The following ETV2 variants were observed in gnomAD, a reference collection of about 807,000 sequenced individuals.
The protein encoded by ETV2 is ETS variant transcription factor 2, also known as ETS translocation variant 2.
In ETV2, 34 loss-of-function variants were observed where a neutral mutation model predicts 35.7. The observed-to-expected ratio is 0.95, with a 90% CI of 0.72 to 1.27. ETV2 has a LOEUF of 1.27. Ranked by LOEUF, ETV2 falls within the 50% of genes most tolerant of loss-of-function variation. The pLI, the probability that ETV2 is intolerant of heterozygous loss-of-function variation, is 0.00. For synonymous variants in ETV2, 207 were observed against 203.9 expected (o/e 1.02, Z -0.13); for missense variants, 512 against 470.5 (o/e 1.09, Z -0.82).
Position 35,644,138 on chromosome 19 carries a change from C to T in ETV2, c.716-97C>T. The T allele has an allele frequency of 1.2e-6, 1 of 848,718 alleles. No individual in the cohort carries two copies. The highest frequency in any genetic ancestry group is 1.9e-6 in the Non-Finnish European group (1 of 515,548). The allele number at this position is 848,718 out of a possible 1,614,324, so 52.6% of individuals were successfully genotyped here. A position where few individuals can be genotyped will look rare whatever the true frequency, so the allele number is the denominator to read the frequency against. On this transcript the variant is annotated intron_variant, in intron 5 of 6. Coordinates refer to ENST00000402764, the MANE Select transcript of ETV2 (RefSeq NM_014209.4). The surrounding 1 kb of genome is among the most constrained non-coding windows in gnomAD (Gnocchi z 4.7). Reference sequence around the variant, plus strand: ...GGGGGGCGGATCCCCTTCTCGGGTCCTGGGTCCCGAGTTGGGAGGACCCGG... The same window carrying T: ...GGGGGGCGGATCCCCTTCTCGGGTCTTGGGTCCCGAGTTGGGAGGACCCGG...
chr19:35,644,111 A>G lies in ETV2; in HGVS notation c.716-124A>G, dbSNP rs1284363585. 4 of 726,324 alleles carry G rather than the reference A, an allele frequency of 5.5e-6. No homozygotes were observed. The highest frequency in any genetic ancestry group is 7.3e-6 in the Non-Finnish European group (3 of 410,690). The allele number at this position is 726,324 out of a possible 1,614,324, so 45.0% of individuals were successfully genotyped here. ...AAGGCTGACTGTTGGATCTCAGAGA[A>G]GGGGGGGCGGATCCCCTTCTCGGGT... On this transcript the variant is annotated intron_variant, in intron 5 of 6. Transcript: ENST00000402764. The surrounding 1 kb of genome is among the most constrained non-coding windows in gnomAD (Gnocchi z 4.7).
At position 35,643,599 on chromosome 19, in the gene ETV2, C is replaced by A. The variant is rs1967682349; in HGVS notation, c.561C>A (p.Gly187=). The part of the protein sequence containing the change: ...DCTISWGGPA[G]PDCTTSWNPG... ...CCATTTCGTGGGGCGGGCCCGCGGGCCCGGACTGTACCACCTCCTGGAACC... is the reference window on the plus strand; with the variant it reads ...CCATTTCGTGGGGCGGGCCCGCGGGACCGGACTGTACCACCTCCTGGAACC... The change falls in exon 5 of 7, where the codon GGC becomes GGA. Residue 187 remains glycine, a synonymous_variant. Transcript: ENST00000402764. This position sits in a 1 kb window ranked among gnomAD's most constrained non-coding sequence, Gnocchi z 5.0. 1 of 1,601,520 alleles carries A rather than the reference C, an allele frequency of 6.2e-7. No individual in the cohort carries two copies. The highest frequency in any genetic ancestry group is 8.5e-7 in the Non-Finnish European group (1 of 1,174,716).
chr19:35,642,551 C>G lies in ETV2; in HGVS notation c.70+21C>G, dbSNP rs766603621. ...GCTTGGTAGGCTGCCGAGGCTGCCACAACGTGTGTGGGGAGGGTGTCCAGG... is the reference window on the plus strand; with the variant it reads ...GCTTGGTAGGCTGCCGAGGCTGCCAGAACGTGTGTGGGGAGGGTGTCCAGG... On this transcript the variant is annotated intron_variant, in intron 2 of 6. Coordinates refer to ENST00000402764, the MANE Select transcript of ETV2 (RefSeq NM_014209.4). This position sits in a 1 kb window ranked among gnomAD's most constrained non-coding sequence, Gnocchi z 4.4. 1 of 1,613,818 alleles carries G rather than the reference C, an allele frequency of 6.2e-7. No homozygotes were observed. Among genetic ancestry groups the G allele is most frequent in the Non-Finnish European group, 8.5e-7 (1 of 1,179,786 alleles).
rs758217215 is a variant in ETV2, at chr19:35,644,658, C to G, written c.835C>G (p.Arg279Gly). The G allele has an allele frequency of 1.2e-6, 2 of 1,606,088 alleles. No homozygotes were observed. The highest frequency in any genetic ancestry group is 1.7e-6 in the Non-Finnish European group (2 of 1,175,636). Residue 279 changes from arginine to glycine, a missense_variant, in exon 7 of 7, where the codon CGG becomes GGG. Arg to Gly is a moderately radical substitution (Grantham distance 125, BLOSUM62 -2). Transcript: ENST00000402764. The surrounding 1 kb of genome is among the most constrained non-coding windows in gnomAD (Gnocchi z 4.7). ...GAGCGGGCCTCTGTCCTAGGTGGCT[C>G]GGCTGTGGGGCGAGCGCAAGAGAAA... ...FQLCDPKEVA[R>G]LWGERKRKPG...
At position 35,643,133 on chromosome 19, in the gene ETV2, T is replaced by A; in HGVS notation, c.235+88T>A. ...TGTAGACTCCCTGATCTTTGAGGAC[T>A]GAGAACACCTGCGCCCTCAAGGTGG... On this transcript the variant is annotated intron_variant, in intron 4 of 6. Coordinates refer to ENST00000402764, the MANE Select transcript of ETV2 (RefSeq NM_014209.4). The surrounding 1 kb of genome is among the most constrained non-coding windows in gnomAD (Gnocchi z 5.0). The A allele has an allele frequency of 7.2e-7, 1 of 1,381,248 alleles. No homozygotes were observed. The highest frequency in any genetic ancestry group is 9.9e-7 in the Non-Finnish European group (1 of 1,009,576). The allele number at this position is 1,381,248 out of a possible 1,614,324, so 85.6% of individuals were successfully genotyped here.
At position 35,642,645 on chromosome 19, in the gene ETV2, A is replaced by C; in HGVS notation, c.101A>C (p.Asp34Ala). Reference protein sequence around the residue: ...EGAKLGFCFPDLALQGDTPTA... With the variant: ...EGAKLGFCFPALALQGDTPTA... Reference sequence around the variant, plus strand: ...GCCAAATTAGGCTTCTGTTTCCCTGATCTGGCACTCCAAGGGGACACGCCG... The same window carrying C: ...GCCAAATTAGGCTTCTGTTTCCCTGCTCTGGCACTCCAAGGGGACACGCCG... Residue 34 changes from aspartate (D) to alanine (A), a missense_variant, in exon 3 of 7, where the codon GAT becomes GCT. Coordinates refer to ENST00000402764, the MANE Select transcript of ETV2 (RefSeq NM_014209.4). The surrounding 1 kb of genome is among the most constrained non-coding windows in gnomAD (Gnocchi z 4.4). 2 of 1,607,552 alleles carry C rather than the reference A, an allele frequency of 1.2e-6. No homozygotes were observed. Among genetic ancestry groups the C allele is most frequent in the Non-Finnish European group, 1.7e-6 (2 of 1,177,182 alleles).
In ETV2 at chr19:35,643,450, G is replaced by A. The variant is rs1391527701; in HGVS notation, c.412G>A (p.Glu138Lys). 4.5e-6 allele frequency: 7 copies of A among 1,546,878 alleles called. No homozygotes were observed. In the African/African-American group the frequency reaches 8.2e-5, roughly 18 times the overall value. The change falls in exon 5 of 7, where the codon GAG (glutamate) becomes AAG (lysine). Residue 138 changes from glutamate (E) to lysine (K), a missense_variant. Physicochemically the swap from Glu to Lys is moderately conservative, Grantham distance 56 (BLOSUM62 1). Coordinates refer to ENST00000402764, the MANE Select transcript of ETV2 (RefSeq NM_014209.4). The surrounding 1 kb of genome is among the most constrained non-coding windows in gnomAD (Gnocchi z 5.0). ...CCAGAACTGCGTCCCCGTGGCGGGA[G>A]AGGCCACCTCGTGGTCGCGCGCCCA... Reference protein sequence around the residue: ...AGQNCVPVAGEATSWSRAQAA... With the variant: ...AGQNCVPVAGKATSWSRAQAA...
chr19:35,643,451 A>G lies in ETV2; in HGVS notation c.413A>G (p.Glu138Gly). The change falls in exon 5 of 7, where the codon GAG (glutamate) becomes GGG (glycine). Residue 138 changes from glutamate (E) to glycine (G), a missense_variant. Physicochemically the swap from Glu to Gly is moderately conservative, Grantham distance 98 (BLOSUM62 -2). Transcript: ENST00000402764. This position sits in a 1 kb window ranked among gnomAD's most constrained non-coding sequence, Gnocchi z 5.0. ...AGQNCVPVAGEATSWSRAQAA... is the reference protein window; with the variant it reads ...AGQNCVPVAGGATSWSRAQAA... Reference sequence around the variant, plus strand: ...CAGAACTGCGTCCCCGTGGCGGGAGAGGCCACCTCGTGGTCGCGCGCCCAG... The same window carrying G: ...CAGAACTGCGTCCCCGTGGCGGGAGGGGCCACCTCGTGGTCGCGCGCCCAG... The G allele has an allele frequency of 6.5e-7, 1 of 1,546,454 alleles. No homozygotes were observed. Among genetic ancestry groups the G allele is most frequent in the Non-Finnish European group, 8.7e-7 (1 of 1,145,546 alleles).
In ETV2 at chr19:35,644,737, G is replaced by C. The variant is rs1301069162; in HGVS notation, c.914G>C (p.Arg305Pro). ...LSRGLRYYYR[R>P]DIVRKSGGRK... The stretch of plus-strand genomic sequence containing the variant: ...CGGGGCCTTCGCTACTACTATCGCC[G>C]CGACATCGTGCGCAAGAGCGGGGGG... The change falls in exon 7 of 7, where the codon CGC (arginine) becomes CCC (proline). Residue 305 changes from arginine (R) to proline (P), a missense_variant. Coordinates refer to ENST00000402764, the MANE Select transcript of ETV2 (RefSeq NM_014209.4). The surrounding 1 kb of genome is among the most constrained non-coding windows in gnomAD (Gnocchi z 4.7). 1.2e-6 allele frequency: 2 copies of C among 1,609,032 alleles called. No homozygotes were observed. Among genetic ancestry groups the C allele is most frequent in the Non-Finnish European group, 1.7e-6 (2 of 1,177,200 alleles).
At position 35,643,514 on chromosome 19, in the gene ETV2, G is replaced by T. The variant is rs1156838359; in HGVS notation, c.476G>T (p.Gly159Val). Residue 159 changes from glycine (G) to valine (V), a missense_variant, in exon 5 of 7, where the codon GGG becomes GTG. Gly to Val is a moderately radical substitution (Grantham distance 109). Coordinates refer to ENST00000402764, the MANE Select transcript of ETV2 (RefSeq NM_014209.4). This position sits in a 1 kb window ranked among gnomAD's most constrained non-coding sequence, Gnocchi z 5.0. ...AACACCAGCTGGGACTGTTCTGTGG[G>T]GCCCGACGGCGATACCTACTGGGGC... Reference protein sequence around the residue: ...GSNTSWDCSVGPDGDTYWGSG... With the variant: ...GSNTSWDCSVVPDGDTYWGSG... The T allele has an allele frequency of 5.8e-6, 9 of 1,549,584 alleles. No homozygotes were observed. In the South Asian group the frequency reaches 1.1e-4, roughly 18 times the overall value.
In ETV2 at chr19:35,642,714, G is replaced by C. The variant is rs764848652; in HGVS notation, c.154+16G>C. On this transcript the variant is annotated intron_variant, in intron 3 of 6. Transcript: ENST00000402764. This position sits in a 1 kb window ranked among gnomAD's most constrained non-coding sequence, Gnocchi z 4.4. ...TGCTGGAAAGGTGGCTGCGGGCTGG[G>C]ACCCCTAAGTGCTGGAGAAGAAGCG... is the stretch of plus-strand genomic sequence containing the variant. 1 of 1,563,118 alleles carries C rather than the reference G, an allele frequency of 6.4e-7. No individual in the cohort carries two copies. Among genetic ancestry groups the C allele is most frequent in the East Asian group, 2.3e-5 (1 of 43,050 alleles).
In ETV2 at chr19:35,643,906, A is replaced by G. The variant is rs895552262; in HGVS notation, c.715+153A>G. Among the ~76,000 whole-genome samples, 1 of 152,124 alleles carries G rather than the reference A, an allele frequency of 6.6e-6. No homozygotes were observed. The highest frequency in any genetic ancestry group is 1.5e-5 in the Non-Finnish European group (1 of 68,008). ...AGGAGGGGCCGGTGGCCCGCACTCC[A>G]GGTCCTTGGGGAGGAGAGGGCTAAG... On this transcript the variant is annotated intron_variant, in intron 5 of 6. Transcript: ENST00000402764. This position sits in a 1 kb window ranked among gnomAD's most constrained non-coding sequence, Gnocchi z 5.0.
chr19:35,642,339 C>A lies in ETV2; in HGVS notation c.-27-95C>A. On this transcript the variant is annotated intron_variant, in intron 1 of 6. Transcript: ENST00000402764. The surrounding 1 kb of genome is among the most constrained non-coding windows in gnomAD (Gnocchi z 4.4). The stretch of plus-strand genomic sequence containing the variant: ...GAAGGAGGGAGCGGAGGCCTGGACT[C>A]CTGGCTCTGAGGGAAGCTAGGGCTG... 1.5e-6 allele frequency: 1 copy of A among 655,810 alleles called. No homozygotes were observed. The highest frequency in any genetic ancestry group is 2.6e-6 in the Non-Finnish European group (1 of 386,526). 40.6% of individuals were successfully genotyped at this position (655,810 alleles called of 1,614,324 possible). A position where few individuals can be genotyped will look rare whatever the true frequency, so the allele number is the denominator to read the frequency against.
Position 35,643,343 on chromosome 19 carries a change from G to A in ETV2, c.305G>A (p.Trp102Ter), listed in dbSNP as rs1415438615. 1.9e-5 allele frequency: 30 copies of A among 1,595,714 alleles called. No homozygotes were observed. Among genetic ancestry groups the A allele is most frequent in the Non-Finnish European group, 2.6e-5 (30 of 1,172,798 alleles). The change falls in exon 5 of 7, where the codon TGG becomes TAG. Residue 102 changes from tryptophan to a stop codon, truncating the protein, a stop_gained. Transcript: ENST00000402764. LOFTEE classifies it high-confidence loss of function. This position sits in a 1 kb window ranked among gnomAD's most constrained non-coding sequence, Gnocchi z 5.0. ...TDMACTAWDS[W>*]SGASQTLGPA... is the part of the protein sequence containing the mutation. ...ATGGCGTGCACAGCCTGGGACTCTT[G>A]GAGCGGCGCCTCGCAGACCCTGGGC... is the stretch of plus-strand genomic sequence containing the variant.
Position 35,643,742 on chromosome 19 carries a change from C to T in ETV2, c.704C>T (p.Thr235Ile). The change falls in exon 5 of 7, where the codon ACT becomes ATT. Residue 235 changes from threonine to isoleucine, a missense_variant. Physicochemically the swap from Thr to Ile is moderately conservative, Grantham distance 89 (BLOSUM62 -1). Transcript: ENST00000402764. This position sits in a 1 kb window ranked among gnomAD's most constrained non-coding sequence, Gnocchi z 5.0. Reference sequence around the variant, plus strand: ...GCCAGTTTGGCTCGATGCCCCAAAACTAACCACCGAGGTGAGAGGGCCGCA... The same window carrying T: ...GCCAGTTTGGCTCGATGCCCCAAAATTAACCACCGAGGTGAGAGGGCCGCA... The part of the protein sequence containing the change: ...DRASLARCPK[T>I]NHRGPIQLWQ... 1 of 1,613,670 alleles carries T rather than the reference C, an allele frequency of 6.2e-7. No individual in the cohort carries two copies. The highest frequency in any genetic ancestry group is 2.2e-5 in the East Asian group (1 of 44,844).
Position 35,642,598 on chromosome 19 carries a change from C to A in ETV2, c.71-17C>A. 12 of 1,611,732 alleles carry A rather than the reference C, an allele frequency of 7.4e-6. No homozygotes were observed. Among genetic ancestry groups the A allele is most frequent in the Non-Finnish European group, 1.0e-5 (12 of 1,178,944 alleles). On this transcript the variant is annotated splice_polypyrimidine_tract_variant and intron_variant, in intron 2 of 6. Transcript: ENST00000402764. The surrounding 1 kb of genome is among the most constrained non-coding windows in gnomAD (Gnocchi z 4.4). ...CAGGTGGGGCCTCTGCTGACCCTAA[C>A]CCCTTATCGCCTGCAGAAGGAGCCA... is the stretch of plus-strand genomic sequence containing the variant.
In ETV2 at chr19:35,644,387, C is replaced by G; in HGVS notation, c.828+40C>G. ...CTGCCCAGCCAAATCCGCCCCGTCT[C>G]TTCTAGTTCAATTTAGCTCCGCCCA... On this transcript the variant is annotated intron_variant, in intron 6 of 6. Transcript: ENST00000402764. The surrounding 1 kb of genome is among the most constrained non-coding windows in gnomAD (Gnocchi z 4.7). 1 of 1,324,862 alleles carries G rather than the reference C, an allele frequency of 7.5e-7. No individual in the cohort carries two copies. Among genetic ancestry groups the G allele is most frequent in the African/African-American group, 1.5e-5 (1 of 68,836 alleles). The allele number at this position is 1,324,862 out of a possible 1,614,324, so 82.1% of individuals were successfully genotyped here. A position where few individuals can be genotyped will look rare whatever the true frequency, so the allele number is the denominator to read the frequency against.
In ETV2 at chr19:35,642,553, A is replaced by G. The variant is rs753502622; in HGVS notation, c.70+23A>G. ...TTGGTAGGCTGCCGAGGCTGCCACA[A>G]CGTGTGTGGGGAGGGTGTCCAGGTG... On this transcript the variant is annotated intron_variant, in intron 2 of 6. Coordinates refer to ENST00000402764, the MANE Select transcript of ETV2 (RefSeq NM_014209.4). The surrounding 1 kb of genome is among the most constrained non-coding windows in gnomAD (Gnocchi z 4.4). 2.0e-5 allele frequency: 32 copies of G among 1,613,698 alleles called. No individual in the cohort carries two copies. The highest frequency in any genetic ancestry group is 2.5e-5 in the Non-Finnish European group (30 of 1,179,740).
At position 35,644,772 on chromosome 19, in the gene ETV2, A is replaced by C. The variant is rs761050261; in HGVS notation, c.949A>C (p.Thr317Pro). 1 of 1,612,526 alleles carries C rather than the reference A, an allele frequency of 6.2e-7. No homozygotes were observed. The highest frequency in any genetic ancestry group is 8.5e-7 in the Non-Finnish European group (1 of 1,179,354). ...GCGCAAGAGCGGGGGGCGAAAGTACACGTACCGCTTCGGGGGCCGCGTGCC... is the reference window on the plus strand; with the variant it reads ...GCGCAAGAGCGGGGGGCGAAAGTACCCGTACCGCTTCGGGGGCCGCGTGCC... ...IVRKSGGRKY[T>P]YRFGGRVPSL... The change falls in exon 7 of 7, where the codon ACG becomes CCG. Residue 317 changes from threonine to proline, a missense_variant. By Grantham distance (38) the Thr-to-Pro change is conservative (BLOSUM62 -1). Coordinates refer to ENST00000402764, the MANE Select transcript of ETV2 (RefSeq NM_014209.4). The surrounding 1 kb of genome is among the most constrained non-coding windows in gnomAD (Gnocchi z 4.7).
Sources: gnomAD v4.1 joint callset for allele counts (sites outside exome capture counted in the v4.1 genomes callset) on GRCh38, gnomAD v4.1.1 for gene constraint, Gnocchi (gnomAD v3.1) non-coding constraint, MANE v1.5 for transcripts, NCBI Gene and HGNC (gene_info 2026-07-23, HGNC 2026-07-21) for gene names.